Variants in NOP2 observed in about 807,000 individuals in gnomAD.
The protein encoded by NOP2 is NOP2 nucleolar protein, also known as 28S rRNA (cytosine(4447)-C(5))-methyltransferase.
NOP2 carries 7 observed loss-of-function variants against 72.7 expected under a neutral mutation model. That is an observed-to-expected ratio of 0.10 (90% CI 0.05 to 0.18). NOP2 has a LOEUF of 0.18. NOP2 is among the 10% of genes least tolerant of loss of function. NOP2 has a pLI of 1.00. For synonymous variants in NOP2, 387 were observed against 388.0 expected, an observed-to-expected ratio of 1.00 and a Z score of 0.03; for missense variants, 954 against 1,014.7, an observed-to-expected ratio of 0.94 and a Z score of 0.81.
chr12:6,557,557 T>C lies in NOP2; in HGVS notation c.1875A>G (p.Lys625=), dbSNP rs1484040317. 1 of 1,613,860 alleles carries C rather than the reference T, an allele frequency of 6.2e-7. No homozygotes were observed. Among genetic ancestry groups the C allele is most frequent in the African/African-American group, 1.3e-5 (1 of 74,894 alleles). The change falls in exon 16 of 16, where the codon AAA becomes AAG. Residue 625 remains lysine, a synonymous_variant. Coordinates refer to ENST00000322166, the MANE Select transcript of NOP2 (RefSeq NM_001258308.2). ...KSENSSQPAK[K]AKGAAKTKQQ... is the part of the protein sequence containing the mutation. Reference sequence around the variant, plus strand: ...GCTTTGTCTTTGCAGCCCCCTTGGCTTTCTTGGCTGGCTGGCTGCTGTTCT... The same window carrying C: ...GCTTTGTCTTTGCAGCCCCCTTGGCCTTCTTGGCTGGCTGGCTGCTGTTCT...
chr12:6,566,624 A>G lies in NOP2; in HGVS notation c.150-7T>C. 6.2e-7 allele frequency: 1 copy of G among 1,613,640 alleles called. No individual in the cohort carries two copies. Among genetic ancestry groups the G allele is most frequent in the Non-Finnish European group, 8.5e-7 (1 of 1,179,626 alleles). Reference sequence around the variant, plus strand: ...CAATCTCCTCTTGGCTGCCCTGAAAAGACACAAGAGATTCAAGGAGTGAAG... The same window carrying G: ...CAATCTCCTCTTGGCTGCCCTGAAAGGACACAAGAGATTCAAGGAGTGAAG... On this transcript the variant is annotated splice_polypyrimidine_tract_variant and splice_region_variant and intron_variant, in intron 3 of 15. Transcript: ENST00000322166.
chr12:6,566,173 G>A lies in NOP2; in HGVS notation c.402C>T (p.Ser134=), dbSNP rs370355057. ...CATCTACCGTATCAGCATCGTCCTC[G>A]GAGCCCCAGAGGTCCCCGTGGTTCA... The part of the protein sequence containing the change: ...GMVNHGDLWG[S]EDDADTVDDY... Residue 134 remains serine (S), a synonymous_variant, in exon 5 of 16, where the codon TCC becomes TCT. Transcript: ENST00000322166. 3.7e-5 allele frequency: 59 copies of A among 1,613,756 alleles called. No individual in the cohort carries two copies. Among genetic ancestry groups the A allele is most frequent in the African/African-American group, 1.9e-4 (14 of 74,886 alleles).
Position 6,566,337 on chromosome 12 carries a change from C to A in NOP2, c.239-1G>T. The A allele has an allele frequency of 6.2e-7, 1 of 1,611,648 alleles. No individual in the cohort carries two copies. The highest frequency in any genetic ancestry group is 1.1e-5 in the South Asian group (1 of 90,828). ...GTCTGGACAGCTCCTGCAGAGATCCCTAAGGGTTTGAAGAGTCCTGGACTA... is the reference window on the plus strand; with the variant it reads ...GTCTGGACAGCTCCTGCAGAGATCCATAAGGGTTTGAAGAGTCCTGGACTA... On this transcript the variant is annotated splice_acceptor_variant, in intron 4 of 15. Transcript: ENST00000322166. LOFTEE classifies it high-confidence loss of function.
At chr12:6,565,188 C>G (rs1947747610) in intron 5 of NOP2, among the ~76,000 whole-genome samples, 3 of 145,562 alleles carry the variant, frequency 2.1e-5, no homozygotes, top group Non-Finnish European at 3.0e-5. Flanking sequence ...CAGTCTCACT[C>G]TGTCACCCAA....
intron 4 of NOP2, 96 bp from the exon 5 acceptor site, chr12:6,566,432 G>C: frequency 6.7e-7 from 1 of 1,501,770 alleles, no homozygotes; most frequent in Non-Finnish European, 9.2e-7. Context: ...AATGTCCTTT[G>C]GCTGTTCCTT....
intron 11 of NOP2, 60 bp downstream of exon 11, chr12:6,561,604 C>T (rs1592240956): frequency 1.3e-6 from 2 of 1,596,702 alleles, no homozygotes. Flanking sequence ...CCCCAGCAAC[C>T]CCATCTACTT....
In NOP2 at chr12:6,556,910, A is replaced by C. The variant is rs1022640818; in HGVS notation, c.*83T>G. The C allele has an allele frequency of 8.7e-6, 13 of 1,487,198 alleles. No individual in the cohort carries two copies. The highest frequency in any genetic ancestry group is 1.2e-5 in the Non-Finnish European group (13 of 1,085,256). 92.1% of individuals were successfully genotyped at this position (1,487,198 alleles called of 1,614,324 possible). A position where few individuals can be genotyped will look rare whatever the true frequency, so the allele number is the denominator to read the frequency against. On this transcript the variant is annotated 3_prime_UTR_variant, in exon 16 of 16. Coordinates refer to ENST00000322166, the MANE Select transcript of NOP2 (RefSeq NM_001258308.2). Reference sequence around the variant, plus strand: ...TGTGTATTAAATTTCATGGGTATGCACAGTAGAGAAGGCATCCTCACAGAG... The same window carrying C: ...TGTGTATTAAATTTCATGGGTATGCCCAGTAGAGAAGGCATCCTCACAGAG...
Position 6,560,349 on chromosome 12 carries a change from G to C in NOP2, c.1561-23C>G. 6.2e-7 allele frequency: 1 copy of C among 1,609,620 alleles called. No homozygotes were observed. The highest frequency in any genetic ancestry group is 1.1e-5 in the South Asian group (1 of 90,940). On this transcript the variant is annotated intron_variant, in intron 14 of 15. Transcript: ENST00000322166. This position sits in a 1 kb window ranked among gnomAD's most constrained non-coding sequence, Gnocchi z 5.0. Reference sequence around the variant, plus strand: ...TACCTGGATGTGGGGGGAAGACAAAGAACGGAGGAAAAAGCAGAGCTGGAG... The same window carrying C: ...TACCTGGATGTGGGGGGAAGACAAACAACGGAGGAAAAAGCAGAGCTGGAG...
Position 6,560,306 on chromosome 12 carries a change from C to T in NOP2, c.1581G>A (p.Val527=). Residue 527 remains valine (V), a synonymous_variant, in exon 15 of 16, where the codon GTG becomes GTA. Coordinates refer to ENST00000322166, the MANE Select transcript of NOP2 (RefSeq NM_001258308.2). The surrounding 1 kb of genome is among the most constrained non-coding windows in gnomAD (Gnocchi z 5.0). ...CSITVEENEW[V]VDYALKKRNV... is the part of the protein sequence containing the mutation. The stretch of plus-strand genomic sequence containing the variant: ...TCCTCTTTTTCAGAGCATAGTCTAC[C>T]ACCCACTCATTCTCTTCTACCTGGA... 1 of 1,613,946 alleles carries T rather than the reference C, an allele frequency of 6.2e-7. No homozygotes were observed. The highest frequency in any genetic ancestry group is 8.5e-7 in the Non-Finnish European group (1 of 1,179,846).
At chr12:6,566,450 G>A (rs1357096584) in intron 4 of NOP2, 79 bp downstream of exon 4, 5 of 1,526,846 alleles carry the variant, frequency 3.3e-6, no homozygotes, top group South Asian at 2.3e-5. Flanking sequence ...CTTTCACTCC[G>A]GAAATGTTTA....
In NOP2 at chr12:6,563,104, T is replaced by A; in HGVS notation, c.955A>T (p.Thr319Ser). The stretch of plus-strand genomic sequence containing the variant: ...ACCTGTGCAAGGTCTCGGCGTCGGG[T>A]TTTCAAGGTATTGGTCCGGAGGGTG... ...PVTLRTNTLK[T>S]RRRDLAQALI... Residue 319 changes from threonine (T) to serine (S), a missense_variant, in exon 9 of 16, where the codon ACC becomes TCC. Thr to Ser is a moderately conservative substitution (Grantham distance 58). Transcript: ENST00000322166. 1 of 1,593,612 alleles carries A rather than the reference T, an allele frequency of 6.3e-7. No individual in the cohort carries two copies. The highest frequency in any genetic ancestry group is 1.1e-5 in the South Asian group (1 of 87,408).
rs1364569438 is a variant in NOP2, at chr12:6,560,766, C to T, written c.1369G>A (p.Val457Ile). Residue 457 changes from valine (V) to isoleucine (I), a missense_variant, in exon 13 of 16, where the codon GTA (valine) becomes ATA (isoleucine). Physicochemically the swap from Val to Ile is conservative, Grantham distance 29 (BLOSUM62 3). Around this residue, in one of 3 missense-constraint regions of NOP2, gnomAD observed 187 missense variants for 276.2 expected, o/e 0.68. Transcript: ENST00000322166. The surrounding 1 kb of genome is among the most constrained non-coding windows in gnomAD (Gnocchi z 5.0). The part of the protein sequence containing the change: ...FPKVVGGFDR[V>I]LLDAPCSGTG... ...CCACTGCAGGGAGCATCCAGCAGTA[C>T]TCGGTCAAAGCCCCCCACCACCTGG... 4 of 1,613,134 alleles carry T rather than the reference C, an allele frequency of 2.5e-6. No homozygotes were observed. In the Admixed American group the frequency reaches 6.7e-5, roughly 27 times the overall value.
rs1193410010 is a variant in NOP2, at chr12:6,560,448, G to A, written c.1559C>T (p.Thr520Ile). 1.3e-6 allele frequency: 2 copies of A among 1,597,446 alleles called. No individual in the cohort carries two copies. The highest frequency in any genetic ancestry group is 1.7e-6 in the Non-Finnish European group (2 of 1,170,662). Residue 520 changes from threonine to isoleucine, a missense_variant and splice_region_variant, in exon 14 of 16, where the codon ACA (threonine) becomes ATA (isoleucine). By Grantham distance (89) the Thr-to-Ile change is moderately conservative. Coordinates refer to ENST00000322166, the MANE Select transcript of NOP2 (RefSeq NM_001258308.2). The surrounding 1 kb of genome is among the most constrained non-coding windows in gnomAD (Gnocchi z 5.0). ...GCTCTGCCATGGCAGAGGTCTCACT[G>A]TGATAGAACAGGTGCAGTAAACCAG... Reference protein sequence around the residue: ...GYLVYCTCSITVEENEWVVDY... With the variant: ...GYLVYCTCSIIVEENEWVVDY...
chr12:6,568,027 G>T, intron 1 of NOP2, 105 bp from the exon 2 acceptor site: 1 of 801,250 alleles, frequency 1.2e-6, no homozygotes, highest in Non-Finnish European at 2.0e-6. Context: ...CCTCAACTCA[G>T]CACCCGCAAC....
chr12:6,565,914 C>T (rs118104888), intron 5 of NOP2, among the ~76,000 whole-genome samples, 187 bp downstream of exon 5: 1,693 of 146,138 alleles, frequency 0.012, 16 homozygotes, highest in Non-Finnish European at 0.018. Context: ...AATGCTCTAT[C>T]CTACAGCTCT....
chr12:6,567,915 C>G lies in NOP2; in HGVS notation c.4G>C (p.Gly2Arg). Residue 2 changes from glycine (G) to arginine (R), a missense_variant, in exon 2 of 16, where the codon GGG becomes CGG. By Grantham distance (125) the Gly-to-Arg change is moderately radical. Around this residue, in one of 3 missense-constraint regions of NOP2, gnomAD observed 498 missense variants for 478.3 expected, o/e 1.04. Coordinates refer to ENST00000322166, the MANE Select transcript of NOP2 (RefSeq NM_001258308.2). M[G>R]RKLDPTKEKR... ...TCCTTCGTAGGGTCCAACTTGCGCC[C>G]CATGGTACTGTGGCAGGCAGAAATG... 3 of 1,613,552 alleles carry G rather than the reference C, an allele frequency of 1.9e-6. No individual in the cohort carries two copies. In the South Asian group the frequency reaches 3.3e-5, roughly 18 times the overall value.
In NOP2 at chr12:6,560,352, C is replaced by A. The variant is rs200285736; in HGVS notation, c.1561-26G>T. 1.2e-6 allele frequency: 2 copies of A among 1,609,230 alleles called. No individual in the cohort carries two copies. Among genetic ancestry groups the A allele is most frequent in the South Asian group, 1.1e-5 (1 of 90,942 alleles). On this transcript the variant is annotated intron_variant, in intron 14 of 15. Coordinates refer to ENST00000322166, the MANE Select transcript of NOP2 (RefSeq NM_001258308.2). This position sits in a 1 kb window ranked among gnomAD's most constrained non-coding sequence, Gnocchi z 5.0. ...CTGGATGTGGGGGGAAGACAAAGAA[C>A]GGAGGAAAAAGCAGAGCTGGAGCTG...
At chr12:6,568,008 AG>A in intron 1 of NOP2, 86 bp from the exon 2 acceptor site, 1 of 1,041,166 alleles carries the variant, frequency 9.6e-7, no homozygotes, top group Non-Finnish European at 1.5e-6. Flanking sequence ...ATAGTGGGAA[AG>A]GGCACAGCCT....
rs756067864 is a variant in NOP2 at position 6,567,805 on chromosome 12, C to A, written c.103+11G>T. The A allele has an allele frequency of 4.3e-6, 7 of 1,611,314 alleles. No individual in the cohort carries two copies. The highest frequency in any genetic ancestry group is 5.1e-6 in the Non-Finnish European group (6 of 1,177,484). On this transcript the variant is annotated intron_variant, in intron 2 of 15. Transcript: ENST00000322166. The stretch of plus-strand genomic sequence containing the variant: ...AAGCTGAGGGATCAGGAGGCCACAA[C>A]TAATCCTTACCTGCAGGCAAGAATC...
Sources: gnomAD v4.1 joint callset for allele counts (sites outside exome capture counted in the v4.1 genomes callset) on GRCh38, gnomAD v4.1.1 for gene constraint, gnomAD v4.1.1 regional missense constraint, Gnocchi (gnomAD v3.1) non-coding constraint, MANE v1.5 for transcripts, NCBI Gene and HGNC (gene_info 2026-07-23, HGNC 2026-07-21) for gene names.